LRTM1: variants seen among roughly 807,000 people sequenced by gnomAD.
The protein encoded by LRTM1 is leucine rich repeat transmembrane protein 1.
Under a neutral mutation model 32.4 loss-of-function variants are expected in LRTM1, and 38 were observed. The observed-to-expected ratio is 1.17, with a 90% CI of 0.91 to 1.54. LRTM1 has a LOEUF of 1.54. LRTM1 is among the 40% of genes most tolerant of loss of function. The pLI, the probability that LRTM1 is intolerant of heterozygous loss-of-function variation, is 0.00. For synonymous variants in LRTM1, 186 were observed against 169.9 expected (o/e 1.09, Z -0.74); for missense variants, 466 against 415.4 (o/e 1.12, Z -1.06).
chr3:54,933,056 CCTTCCTTCCTT>C (rs1559635635), upstream of LRTM1, among the ~76,000 whole-genome samples: 32 of 6,894 alleles, frequency 4.6e-3, no homozygotes, highest in South Asian at 0.016. Context: ...TCCCTCCCTT[CCTTCCTTCCTT>C]CCTTCCTTCC....
intron 1 of LRTM1, among the ~76,000 whole-genome samples, chr3:54,937,157 G>A (rs756548403): frequency 6.6e-6 from 1 of 152,160 alleles, no homozygotes; most frequent in Non-Finnish European, 1.5e-5. Context: ...TGTGCTCAAG[G>A]GACTCTCATT....
At chr3:54,930,410 T>A (rs1254839574), upstream of LRTM1, among the ~76,000 whole-genome samples, 1 of 152,218 alleles carries the variant, frequency 6.6e-6, no homozygotes, top group Admixed American at 6.5e-5. Flanking sequence ...TTACCAGCTT[T>A]AAGGGGGCTT....
chr3:54,943,022 T>G (rs1701515348), intron 1 of LRTM1, among the ~76,000 whole-genome samples: 1 of 151,828 alleles, frequency 6.6e-6, no homozygotes. Flanking sequence ...ACACTCCATC[T>G]CAAAAATAAT....
chr3:54,941,353 T>A (rs1420687440), intron 1 of LRTM1, among the ~76,000 whole-genome samples: 1 of 152,206 alleles, frequency 6.6e-6, no homozygotes, highest in Non-Finnish European at 1.5e-5. Context: ...ATCTCAGTTA[T>A]GAAGTAAGCC....
At chr3:54,955,199 G>A (rs756243132) in intron 1 of LRTM1, among the ~76,000 whole-genome samples, 12 of 152,174 alleles carry the variant, frequency 7.9e-5, no homozygotes, top group Non-Finnish European at 1.5e-4. Flanking sequence ...CAGGGGACAG[G>A]GGAGATGGGG....
At chr3:54,943,213 A>AAG (rs1654962681) in intron 1 of LRTM1, among the ~76,000 whole-genome samples, 1 of 151,598 alleles carries the variant, frequency 6.6e-6, no homozygotes, top group South Asian at 2.1e-4. Flanking sequence ...TAAAAAAAAA[A>AAG]AAAATGAGAA....
At chr3:54,944,179 A>G (rs1201549843) in intron 1 of LRTM1, among the ~76,000 whole-genome samples, 1 of 151,848 alleles carries the variant, frequency 6.6e-6, no homozygotes, top group African/African-American at 2.4e-5. Flanking sequence ...CATGTTCATT[A>G]TGCCAGGATG....
chr3:54,939,159 C>T (rs754356133), intron 1 of LRTM1, among the ~76,000 whole-genome samples: 49 of 152,224 alleles, frequency 3.2e-4, no homozygotes, highest in Non-Finnish European at 1.0e-4. Context: ...CTGAATCCAA[C>T]ATCTGAAACT....
intron 1 of LRTM1, among the ~76,000 whole-genome samples, chr3:54,936,929 G>C (rs1000187815): frequency 6.6e-6 from 1 of 152,096 alleles, no homozygotes; most frequent in African/African-American, 2.4e-5. Context: ...TCACTGCTAC[G>C]GCTGATGTTT....
intron 1 of LRTM1, among the ~76,000 whole-genome samples, chr3:54,934,742 G>C (rs1193120265): frequency 6.6e-6 from 1 of 152,040 alleles, no homozygotes; most frequent in East Asian, 1.9e-4. Flanking sequence ...TTTGTGTTTT[G>C]TTTTTGTTGA....
intron 1 of LRTM1, among the ~76,000 whole-genome samples, chr3:54,949,638 T>G (rs879705525): frequency 1.1e-4 from 17 of 152,324 alleles, no homozygotes; most frequent in Admixed American, 1.1e-3. Context: ...TGGTCACTTA[T>G]TTCAGGCCTA....
chr3:54,961,017 A>G (rs895334153), intron 1 of LRTM1, among the ~76,000 whole-genome samples: 31 of 152,248 alleles, frequency 2.0e-4, no homozygotes, highest in African/African-American at 6.8e-4. Context: ...TTCCCAAAAA[A>G]TGACATTCAG....
In LRTM1 at chr3:54,924,620, T is replaced by A. The variant is rs751385198; in HGVS notation, c.603A>T (p.Lys201Asn). The change falls in exon 2 of 3, where the codon AAA (lysine) becomes AAT (asparagine). Residue 201 changes from lysine to asparagine, a missense_variant and splice_region_variant. Lys to Asn is a moderately conservative substitution (Grantham distance 94). Coordinates refer to ENST00000273286, the MANE Select transcript of LRTM1 (RefSeq NM_020678.4). ...GGGTTCCAAATAGACATGACTGACC[T>A]TTATAGACAAATTTCTCCAGCCAGA... is the stretch of plus-strand genomic sequence containing the variant. ...LKLWLEKFVY[K>N]GGLTDGIICE... The A allele has an allele frequency of 1.2e-6, 2 of 1,612,694 alleles. No individual in the cohort carries two copies. The highest frequency in any genetic ancestry group is 1.7e-6 in the Non-Finnish European group (2 of 1,178,980).
intron 1 of LRTM1, among the ~76,000 whole-genome samples, chr3:54,960,909 G>A (rs1364573737): frequency 1.3e-5 from 2 of 152,152 alleles, no homozygotes; most frequent in African/African-American, 4.8e-5. Flanking sequence ...ACAGACCTCC[G>A]GAATGGGCTC....
At chr3:54,957,241 C>T (rs1701921900) in intron 1 of LRTM1, among the ~76,000 whole-genome samples, 1 of 151,958 alleles carries the variant, frequency 6.6e-6, no homozygotes, top group Admixed American at 6.6e-5. Context: ...CTCAATGCAG[C>T]CTCAAACTCC....
At chr3:54,935,843 T>C (rs916543383) in intron 1 of LRTM1, among the ~76,000 whole-genome samples, 1 of 152,254 alleles carries the variant, frequency 6.6e-6, no homozygotes, top group Non-Finnish European at 1.5e-5. Flanking sequence ...TTCTTTGATA[T>C]ATACATAGCT....
intron 1 of LRTM1, among the ~76,000 whole-genome samples, chr3:54,948,819 G>T (rs1345809497): frequency 6.6e-6 from 1 of 152,202 alleles, no homozygotes; most frequent in Non-Finnish European, 1.5e-5. Context: ...AGTTGCATCT[G>T]TCAGGAGCTG....
intron 1 of LRTM1, among the ~76,000 whole-genome samples, chr3:54,953,489 C>T (rs570764135): frequency 1.3e-5 from 2 of 152,256 alleles, no homozygotes; most frequent in South Asian, 2.1e-4. Context: ...GAAGCCTTCG[C>T]GCTTGGTGGT....
chr3:54,937,682 A>G (rs992290649), intron 1 of LRTM1, among the ~76,000 whole-genome samples: 3 of 152,204 alleles, frequency 2.0e-5, no homozygotes, highest in Non-Finnish European at 4.4e-5. Context: ...TGTTATAGCC[A>G]GGCTGAAATC....
Sources: allele counts gnomAD v4.1 joint callset (sites outside exome capture counted in the v4.1 genomes callset), GRCh38; gene constraint gnomAD v4.1.1; transcripts MANE v1.5; gene names NCBI Gene and HGNC (gene_info 2026-07-23, HGNC 2026-07-21).